The following ARHGEF7 variants were observed in gnomAD, a reference collection of about 807,000 sequenced individuals.
ARHGEF7 encodes PAK-interacting exchange factor beta.
ARHGEF7 carries 33 observed loss-of-function variants against 109.8 expected under a neutral mutation model. The observed-to-expected ratio is 0.30, with a 90% CI of 0.23 to 0.40. The LOEUF is 0.40. Among genes scored for constraint, ARHGEF7 ranks in the 10% least tolerant of loss-of-function variants. The pLI is 1.00. For synonymous variants in ARHGEF7, 458 were observed against 424.6 expected, an observed-to-expected ratio of 1.08 and a Z score of -0.97; for missense variants, 938 against 1,098.5, an observed-to-expected ratio of 0.85 and a Z score of 2.07.
intron 1 of ARHGEF7, among the ~76,000 whole-genome samples, chr13:111,147,927 G>A (rs1443124047): frequency 6.6e-6 from 1 of 151,974 alleles, no homozygotes; most frequent in Admixed American, 6.6e-5. Context: ...TCGATCTCCT[G>A]ACCTCGTGAT....
intron 2 of ARHGEF7, among the ~76,000 whole-genome samples, chr13:111,191,740 GGATA>G (rs1202251523): frequency 3.9e-5 from 6 of 152,102 alleles, no homozygotes; most frequent in Admixed American, 2.6e-4. Flanking sequence ...GAAGCAGGAG[GGATA>G]GATAGTCAAA....
Position 111,129,639 on chromosome 13 carries a change from T to C in ARHGEF7, c.165+13948T>C, listed in dbSNP as rs944110252. Among the ~76,000 whole-genome samples, 5 of 152,132 alleles carry C rather than the reference T, an allele frequency of 3.3e-5. No individual in the cohort carries two copies. The South Asian group carries it at 8.3e-4, about 25-fold the overall frequency. On this transcript the variant is annotated intron_variant, in intron 1 of 21. Transcript: ENST00000646102. ...AAAAGAAGCTCAACATTATCAGTCA[T>C]TAGGGAAGTGGAAATGAAACCTGCA... is the stretch of plus-strand genomic sequence containing the variant.
At position 111,120,472 on chromosome 13, in the gene ARHGEF7, T is replaced by C. The variant is rs831148; in HGVS notation, c.165+4781T>C. Among the ~76,000 whole-genome samples the C allele has an allele frequency of 2.2e-3, 326 of 150,700 alleles. 1 individual carries two copies. The highest frequency in any genetic ancestry group is 7.6e-3 in the African/African-American group (307 of 40,396). On this transcript the variant is annotated intron_variant, in intron 1 of 21. Coordinates refer to ENST00000646102, the MANE Select transcript of ARHGEF7 (RefSeq NM_001354046.2). Reference sequence around the variant, plus strand: ...ACATACGTAAACACATGCATGTAAATACACACACACACAGACACATGCGTG... The same window carrying C: ...ACATACGTAAACACATGCATGTAAACACACACACACACAGACACATGCGTG...
At position 111,280,619 on chromosome 13, in the gene ARHGEF7, C is replaced by G; in HGVS notation, c.1667C>G (p.Thr556Arg). ...QEWVEHLQKQ[T>R]KVTSVGNPTI... ...TGGGTGGAGCACCTACAGAAGCAAA[C>G]GAAGGTCACGTCTGTGGGAAACCCC... Residue 556 changes from threonine to arginine, a missense_variant, in exon 15 of 22, where the codon ACG becomes AGG. Around this residue, in one of 4 missense-constraint regions of ARHGEF7, gnomAD observed 585 missense variants for 723.6 expected, o/e 0.81. Coordinates refer to ENST00000646102, the MANE Select transcript of ARHGEF7 (RefSeq NM_001354046.2). 6.2e-7 allele frequency: 1 copy of G among 1,612,502 alleles called. No individual in the cohort carries two copies. Among genetic ancestry groups the G allele is most frequent in the South Asian group, 1.1e-5 (1 of 90,714 alleles).
At chr13:111,126,674 C>T (rs770170336) in intron 1 of ARHGEF7, among the ~76,000 whole-genome samples, 1 of 152,162 alleles carries the variant, frequency 6.6e-6, no homozygotes, top group Non-Finnish European at 1.5e-5. Context: ...TCATTTATGG[C>T]ACTTCTGACC....
chr13:111,297,740 G>A (rs946039572), intron 19 of ARHGEF7, among the ~76,000 whole-genome samples: 2 of 152,290 alleles, frequency 1.3e-5, no homozygotes, highest in Middle Eastern at 3.4e-3. Context: ...CACAACTCCC[G>A]TACGGAAGTC....
At chr13:111,154,520 T>G (rs2076149981) in intron 2 of ARHGEF7, among the ~76,000 whole-genome samples, 1 of 152,170 alleles carries the variant, frequency 6.6e-6, no homozygotes, top group South Asian at 2.1e-4. Flanking sequence ...GACCAGAAAT[T>G]CGGTGGTTTT....
At chr13:111,126,323 T>C (rs923468476) in intron 1 of ARHGEF7, among the ~76,000 whole-genome samples, 7 of 152,100 alleles carry the variant, frequency 4.6e-5, no homozygotes, top group Admixed American at 2.6e-4. Flanking sequence ...AAACCCTGTC[T>C]CTTCTAAAAT....
chr13:111,280,717 G>C, intron 15 of ARHGEF7, 40 bp downstream of exon 15: 1 of 1,451,542 alleles, frequency 6.9e-7, no homozygotes, highest in African/African-American at 1.5e-5. Flanking sequence ...GACTCCAGGC[G>C]TGGCATCCCG....
chr13:111,236,824 G>A (rs1351980657), intron 6 of ARHGEF7, among the ~76,000 whole-genome samples: 1 of 152,122 alleles, frequency 6.6e-6, no homozygotes, highest in African/African-American at 2.4e-5. Flanking sequence ...AATTACCTGG[G>A]CTGGGTGGCA....
At chr13:111,169,328 A>G (rs2077391571) in intron 2 of ARHGEF7, among the ~76,000 whole-genome samples, 2 of 152,314 alleles carry the variant, frequency 1.3e-5, no homozygotes, top group Admixed American at 6.5e-5. Flanking sequence ...CACAGGGTGT[A>G]CAGGAAGCAT....
rs144455445 is a variant in ARHGEF7 at position 111,115,568 on chromosome 13, G to T, written c.42G>T (p.Leu14=). The change falls in exon 1 of 22, where the codon CTG becomes CTT. Residue 14 remains leucine, a synonymous_variant. Coordinates refer to ENST00000646102, the MANE Select transcript of ARHGEF7 (RefSeq NM_001354046.2). ...AEQTVTWLIT[L]GVLESPKKTI... is the part of the protein sequence containing the mutation. Reference sequence around the variant, plus strand: ...AAACCGTTACGTGGCTCATCACTCTGGGGGTGCTGGAGTCGCCCAAAAAAA... The same window carrying T: ...AAACCGTTACGTGGCTCATCACTCTTGGGGTGCTGGAGTCGCCCAAAAAAA... 6.9e-5 allele frequency: 98 copies of T among 1,426,324 alleles called. No homozygotes were observed. The highest frequency in any genetic ancestry group is 8.3e-5 in the Non-Finnish European group (89 of 1,073,590). The allele number at this position is 1,426,324 out of a possible 1,614,324, so 88.4% of individuals were successfully genotyped here. A position where few individuals can be genotyped will look rare whatever the true frequency, so the allele number is the denominator to read the frequency against.
intron 2 of ARHGEF7, among the ~76,000 whole-genome samples, chr13:111,177,537 A>AGCCGT (rs1369371159): frequency 1.3e-5 from 2 of 152,196 alleles, no homozygotes; most frequent in Non-Finnish European, 2.9e-5. Flanking sequence ...ATGTGTTCTC[A>AGCCGT]GTATCCCTGA....
chr13:111,233,056 G>T (rs2086316094), intron 5 of ARHGEF7, 149 bp from the exon 6 acceptor site: 1 of 660,096 alleles, frequency 1.5e-6, no homozygotes. Flanking sequence ...GGCACTGAGG[G>T]TCACTGTGGA....
Position 111,262,262 on chromosome 13 carries a change from CTG to C in ARHGEF7, c.951-5285_951-5284del, listed in dbSNP as rs201404841. On this transcript the variant is annotated intron_variant, in intron 8 of 21. Transcript: ENST00000646102. Reference sequence around the variant, plus strand: ...TTCTTTTTTGTTTCTGATTTTAAAACTGATACTGCAGAAATTCAGACTCACTA... The same window carrying C: ...TTCTTTTTTGTTTCTGATTTTAAAACATACTGCAGAAATTCAGACTCACTA... Among the ~76,000 whole-genome samples the C allele has an allele frequency of 2.9e-4, 44 of 152,254 alleles. No individual in the cohort carries two copies. The East Asian group carries it at 7.7e-3, about 27-fold the overall frequency.
chr13:111,266,290 TCTCA>T lies in ARHGEF7; in HGVS notation c.951-1253_951-1250del, dbSNP rs908831671. Reference sequence around the variant, plus strand: ...CTCATTCTCGGTGTGAACAGGTGTTTCTCACTCAGAGCTCTTCGCATCCTTGTTT... The same window carrying T: ...CTCATTCTCGGTGTGAACAGGTGTTTCTCAGAGCTCTTCGCATCCTTGTTT... On this transcript the variant is annotated intron_variant, in intron 8 of 21. Coordinates refer to ENST00000646102, the MANE Select transcript of ARHGEF7 (RefSeq NM_001354046.2). This position sits in a 1 kb window ranked among gnomAD's most constrained non-coding sequence, Gnocchi z 4.8. 1.2e-4 allele frequency among the ~76,000 whole-genome samples: 18 copies of T among 152,226 alleles called. No individual in the cohort carries two copies. The highest frequency in any genetic ancestry group is 4.1e-4 in the African/African-American group (17 of 41,542).
chr13:111,150,997 C>T (rs374383687), intron 1 of ARHGEF7, among the ~76,000 whole-genome samples: 13 of 152,294 alleles, frequency 8.5e-5, no homozygotes, highest in South Asian at 2.1e-4. Context: ...TCTGTTCTAC[C>T]GCCAATGGAC....
intron 1 of ARHGEF7, among the ~76,000 whole-genome samples, chr13:111,136,783 T>C (rs1303900499): frequency 6.6e-6 from 1 of 152,142 alleles, no homozygotes; most frequent in East Asian, 1.9e-4. Flanking sequence ...AAAAAACCCT[T>C]CAAAAAATCA....
intron 8 of ARHGEF7, among the ~76,000 whole-genome samples, chr13:111,254,521 C>T (rs2090199366): frequency 6.9e-6 from 1 of 145,514 alleles, no homozygotes; most frequent in African/African-American, 2.6e-5. Context: ...GAGTCGCTAA[C>T]ATGAAGGCCG....
Sources: gnomAD v4.1 joint callset for allele counts (sites outside exome capture counted in the v4.1 genomes callset) on GRCh38, gnomAD v4.1.1 for gene constraint, gnomAD v4.1.1 regional missense constraint, Gnocchi (gnomAD v3.1) non-coding constraint, MANE v1.5 for transcripts, NCBI Gene and HGNC (gene_info 2026-07-23, HGNC 2026-07-21) for gene names.